The following GCNT2 variants were observed in gnomAD, a reference collection of about 807,000 sequenced individuals.
GCNT2 encodes N-acetyllactosaminide beta-1,6-N-acetylglucosaminyl-transferase.
A neutral mutation model predicts 34.2 loss-of-function variants in GCNT2; 34 were observed. That is an observed-to-expected ratio of 1.00 (90% CI 0.76 to 1.32). GCNT2 has a LOEUF of 1.32. Ranked by LOEUF, GCNT2 falls within the 40% of genes most tolerant of loss-of-function variation. GCNT2 has a pLI of 0.00. For synonymous variants in GCNT2, 212 were observed against 188.0 expected, an observed-to-expected ratio of 1.13 and a Z score of -1.04; for missense variants, 584 against 489.4, an observed-to-expected ratio of 1.19 and a Z score of -1.82.
At chr6:10,598,631 A>G (rs2127425167) in intron 3 of GCNT2, among the ~76,000 whole-genome samples, 1 of 152,266 alleles carries the variant, frequency 6.6e-6, no homozygotes, top group South Asian at 2.1e-4. Context: ...GTACTTACAC[A>G]ATATCTTCAC....
chr6:10,618,154 C>G (rs1018975488), intron 3 of GCNT2, among the ~76,000 whole-genome samples: 1 of 152,216 alleles, frequency 6.6e-6, no homozygotes, highest in Non-Finnish European at 1.5e-5. Flanking sequence ...CTGCCACTTT[C>G]TGCGCCTCAG....
chr6:10,563,715 C>T (rs993550458), intron 3 of GCNT2, among the ~76,000 whole-genome samples: 1 of 137,346 alleles, frequency 7.3e-6, no homozygotes, highest in Middle Eastern at 4.9e-3. Context: ...ATGTTCCAGC[C>T]TGGGTGACAG....
At chr6:10,525,566 G>A (rs529540809) in intron 1 of GCNT2, among the ~76,000 whole-genome samples, 2 of 152,296 alleles carry the variant, frequency 1.3e-5, no homozygotes, top group Admixed American at 6.5e-5. Flanking sequence ...GAAGACCAGC[G>A]TGTCCCATGT....
chr6:10,549,369 T>C (rs575413056), intron 3 of GCNT2, among the ~76,000 whole-genome samples: 23 of 152,286 alleles, frequency 1.5e-4, no homozygotes, highest in African/African-American at 5.1e-4. Flanking sequence ...GTTGAGTAAA[T>C]ACTGGAGAAT....
At chr6:10,607,148 A>G (rs1385859855) in intron 3 of GCNT2, among the ~76,000 whole-genome samples, 1 of 151,984 alleles carries the variant, frequency 6.6e-6, no homozygotes, top group Non-Finnish European at 1.5e-5. Context: ...GGGTTTCACC[A>G]TGTTGGCCGG....
intron 3 of GCNT2, among the ~76,000 whole-genome samples, chr6:10,576,402 G>C (rs995684889): frequency 6.6e-6 from 1 of 152,204 alleles, no homozygotes; most frequent in Non-Finnish European, 1.5e-5. Flanking sequence ...AAACACTGAT[G>C]CCTGAAGTAG....
At chr6:10,618,465 A>G (rs984719704) in intron 3 of GCNT2, among the ~76,000 whole-genome samples, 1 of 152,248 alleles carries the variant, frequency 6.6e-6, no homozygotes. Context: ...GATTATCAGT[A>G]TTAAAGAGAA....
At position 10,621,279 on chromosome 6, in the gene GCNT2, G is replaced by T; in HGVS notation, c.926-72G>T. On this transcript the variant is annotated intron_variant, in intron 3 of 4. Transcript: ENST00000495262. ...GAAAGAAAGTAAGCCTGACTTAGAG[G>T]CTTAATTGATGAAATTGATGCCCTT... 3 of 951,194 alleles carry T rather than the reference G, an allele frequency of 3.2e-6. No homozygotes were observed. In the East Asian group the frequency reaches 7.7e-5, roughly 24 times the overall value. 58.9% of individuals were successfully genotyped at this position (951,194 alleles called of 1,614,324 possible).
intron 3 of GCNT2, among the ~76,000 whole-genome samples, chr6:10,554,680 CTT>C (rs1041461292): frequency 3.3e-5 from 5 of 152,080 alleles, no homozygotes; most frequent in African/African-American, 1.2e-4. Flanking sequence ...AGAAGAAAAA[CTT>C]AGGATTGAAT....
At chr6:10,589,189 A>AGTG (rs1764517101) in intron 3 of GCNT2, among the ~76,000 whole-genome samples, 2 of 79,716 alleles carry the variant, frequency 2.5e-5, no homozygotes, top group Admixed American at 2.6e-4. Context: ...TATGTGCGTC[A>AGTG]TGTGTGTATG....
At chr6:10,586,452 AAGAC>A in intron 3 of GCNT2, 1 of 1,614,220 alleles carries the variant, frequency 6.2e-7, no homozygotes, top group Middle Eastern at 1.6e-4. Flanking sequence ...CATTGCTTCA[AAGAC>A]AGAGTCTGTG....
At chr6:10,557,261 C>CG in intron 3 of GCNT2, 1 of 1,611,284 alleles carries the variant, frequency 6.2e-7, no homozygotes, top group Non-Finnish European at 8.5e-7. Context: ...GCATGACCCA[C>CG]GGGCTGTTGA....
At chr6:10,574,886 T>C (rs539701110) in intron 3 of GCNT2, 4 of 703,764 alleles carry the variant, frequency 5.7e-6, no homozygotes, top group Admixed American at 5.5e-5. Flanking sequence ...TCTTTCTTTT[T>C]CTGATCGTTT....
At chr6:10,538,969 G>A (rs1250091134) in intron 3 of GCNT2, among the ~76,000 whole-genome samples, 1 of 151,912 alleles carries the variant, frequency 6.6e-6, no homozygotes, top group Non-Finnish European at 1.5e-5. Context: ...TGATGAGAAA[G>A]AAAAAAATAA....
intron 3 of GCNT2, among the ~76,000 whole-genome samples, chr6:10,588,144 A>G (rs985270960): frequency 1.3e-5 from 2 of 152,190 alleles, no homozygotes; most frequent in Non-Finnish European, 2.9e-5. Context: ...GAGGATGGGC[A>G]AGGTGGCTGG....
chr6:10,529,465 A>C lies in GCNT2; in HGVS notation c.554A>C (p.Lys185Thr). 1 of 1,614,180 alleles carries C rather than the reference A, an allele frequency of 6.2e-7. No individual in the cohort carries two copies. Among genetic ancestry groups the C allele is most frequent in the Non-Finnish European group, 8.5e-7 (1 of 1,180,014 alleles). ...EDLVASEVPW[K>T]YVINTCGQDF... is the part of the protein sequence containing the mutation. The stretch of plus-strand genomic sequence containing the variant: ...CTTGTGGCCTCTGAAGTTCCCTGGA[A>C]GTATGTCATCAACACCTGCGGGCAA... Residue 185 changes from lysine (K) to threonine (T), a missense_variant, in exon 3 of 5, where the codon AAG (lysine) becomes ACG (threonine). Physicochemically the swap from Lys to Thr is moderately conservative, Grantham distance 78. Transcript: ENST00000495262.
chr6:10,523,399 C>A (rs1406546674), intron 1 of GCNT2, among the ~76,000 whole-genome samples: 1 of 142,296 alleles, frequency 7.0e-6, no homozygotes, highest in Non-Finnish European at 1.5e-5. Flanking sequence ...ACACTGCAGA[C>A]GGGGCAACAA....
At chr6:10,595,716 G>C (rs1218192042) in intron 3 of GCNT2, among the ~76,000 whole-genome samples, 1 of 152,192 alleles carries the variant, frequency 6.6e-6, no homozygotes, top group Non-Finnish European at 1.5e-5. Context: ...ATTATTCTAT[G>C]TAGGTTTTGA....
chr6:10,525,238 G>A (rs1761128954), intron 1 of GCNT2, among the ~76,000 whole-genome samples: 1 of 152,182 alleles, frequency 6.6e-6, no homozygotes, highest in Non-Finnish European at 1.5e-5. Context: ...GTGTTATGGA[G>A]AAATAAGCAA....
Sources: gnomAD v4.1 joint callset for allele counts (sites outside exome capture counted in the v4.1 genomes callset) on GRCh38, gnomAD v4.1.1 for gene constraint, MANE v1.5 for transcripts, NCBI Gene and HGNC (gene_info 2026-07-23, HGNC 2026-07-21) for gene names.